EDARADD: variants seen among roughly 807,000 people sequenced by gnomAD.
EDARADD encodes ectodysplasin-A receptor-associated adapter protein.
A neutral mutation model predicts 25.6 loss-of-function variants in EDARADD; 20 were observed. That is an observed-to-expected ratio of 0.78 (90% CI 0.55 to 1.14). The LOEUF (loss-of-function observed/expected upper bound fraction) is 1.14, where lower values mean the gene tolerates loss of function less well. EDARADD is among the 50% of genes most tolerant of loss of function. EDARADD has a pLI of 0.00. For synonymous variants in EDARADD, 86 were observed against 94.4 expected (o/e 0.91, Z 0.52); for missense variants, 225 against 270.1 (o/e 0.83, Z 1.17).
At chr1:236,371,278 C>T (rs1043629821) in intron 3 of EDARADD, among the ~76,000 whole-genome samples, 1 of 152,160 alleles carries the variant, frequency 6.6e-6, no homozygotes, top group African/African-American at 2.4e-5. Flanking sequence ...ATGTTGGATT[C>T]TGCAACCTTG....
Position 236,484,194 on chromosome 1 carries a change from G to A in EDARADD, c.*1545G>A, listed in dbSNP as rs1227845804. On this transcript the variant is annotated 3_prime_UTR_variant, in exon 6 of 6. Transcript: ENST00000334232. This position sits in a 1 kb window ranked among gnomAD's most constrained non-coding sequence, Gnocchi z 4.1. ...GAAGTGCAACTGCCTCCTGCTCAAA[G>A]TGAACCAGATTCGCTCTGTGACTGA... The A allele has an allele frequency of 1.8e-6, 2 of 1,113,962 alleles. No individual in the cohort carries two copies. The highest frequency in any genetic ancestry group is 2.8e-6 in the Non-Finnish European group (2 of 724,652). 69.0% of individuals were successfully genotyped at this position (1,113,962 alleles called of 1,614,324 possible).
At chr1:236,453,378 G>C (rs142788952) in intron 4 of EDARADD, among the ~76,000 whole-genome samples, 5 of 150,516 alleles carry the variant, frequency 3.3e-5, no homozygotes, top group African/African-American at 9.8e-5. Flanking sequence ...CCAGGTTCAA[G>C]TGATTCTCCT....
At chr1:236,388,205 CAT>C (rs1482808750) in intron 3 of EDARADD, among the ~76,000 whole-genome samples, 11 of 152,114 alleles carry the variant, frequency 7.2e-5, no homozygotes, top group African/African-American at 2.7e-4. Context: ...TATCATTTAT[CAT>C]ATTCCAAACA....
At chr1:236,468,796 A>ATG (rs1659285659) in intron 5 of EDARADD, among the ~76,000 whole-genome samples, 1 of 152,148 alleles carries the variant, frequency 6.6e-6, no homozygotes, top group Non-Finnish European at 1.5e-5. Context: ...CTTCCTTTGC[A>ATG]TGTGAGGGGC....
intron 3 of EDARADD, among the ~76,000 whole-genome samples, chr1:236,368,420 C>T (rs536409755): frequency 6.6e-6 from 1 of 151,166 alleles, no homozygotes; most frequent in East Asian, 1.9e-4. Flanking sequence ...TCTCTCACCC[C>T]AGCCCCAATC....
chr1:236,437,540 A>T (rs997801436), intron 4 of EDARADD, among the ~76,000 whole-genome samples: 1 of 152,092 alleles, frequency 6.6e-6, no homozygotes, highest in Non-Finnish European at 1.5e-5. Flanking sequence ...GCAGTCACCT[A>T]GGGATGTAAT....
At chr1:236,408,208 A>T (rs115271277) in intron 1 of EDARADD, among the ~76,000 whole-genome samples, 15,626 of 148,956 alleles carry the variant, frequency 0.1, 1,010 homozygotes, top group Admixed American at 0.18. Flanking sequence ...TTAATTAATT[A>T]ATTTATTTTT....
chr1:236,396,022 C>A (rs760937920), intron 1 of EDARADD, among the ~76,000 whole-genome samples: 3 of 152,222 alleles, frequency 2.0e-5, no homozygotes, highest in Non-Finnish European at 2.9e-5. Context: ...GGGTGGATTT[C>A]GTTTTCGCCT....
chr1:236,378,708 T>C (rs1211685708), intron 3 of EDARADD, among the ~76,000 whole-genome samples: 1 of 152,200 alleles, frequency 6.6e-6, no homozygotes, highest in East Asian at 1.9e-4. Flanking sequence ...TTTGCAATCT[T>C]CATTAATGCA....
At chr1:236,406,678 T>G (rs183557789) in intron 1 of EDARADD, among the ~76,000 whole-genome samples, 73 of 152,342 alleles carry the variant, frequency 4.8e-4, no homozygotes, top group African/African-American at 1.7e-3. Context: ...TACGTTAATG[T>G]GTCATGTTCT....
chr1:236,372,545 T>C (rs984107917), intron 3 of EDARADD, among the ~76,000 whole-genome samples: 5 of 152,200 alleles, frequency 3.3e-5, no homozygotes, highest in Admixed American at 3.3e-4. Context: ...TGTAACACTT[T>C]TGTCTGGTTT....
chr1:236,431,714 G>A (rs2103018228), intron 4 of EDARADD, among the ~76,000 whole-genome samples: 1 of 51,096 alleles, frequency 2.0e-5, no homozygotes. Flanking sequence ...GAGGTCAGGA[G>A]ATCGAGACCA....
At chr1:236,422,656 A>G (rs990782395) in intron 3 of EDARADD, among the ~76,000 whole-genome samples, 9 of 152,188 alleles carry the variant, frequency 5.9e-5, no homozygotes, top group African/African-American at 1.9e-4. Context: ...TAAAGTCTAC[A>G]AATTCCCATT....
At chr1:236,390,632 C>T (rs576927487), upstream of EDARADD, among the ~76,000 whole-genome samples, 1 of 152,162 alleles carries the variant, frequency 6.6e-6, no homozygotes, top group Non-Finnish European at 1.5e-5. Flanking sequence ...TGATATGTTT[C>T]TCCTGCATTT....
At chr1:236,437,977 A>G (rs1480770495) in intron 4 of EDARADD, among the ~76,000 whole-genome samples, 1 of 151,852 alleles carries the variant, frequency 6.6e-6, no homozygotes, top group Non-Finnish European at 1.5e-5. Flanking sequence ...TGAACTCCTG[A>G]CCTCAGGTGA....
intron 4 of EDARADD, among the ~76,000 whole-genome samples, chr1:236,467,163 C>T (rs1019229264): frequency 6.6e-6 from 1 of 151,858 alleles, no homozygotes; most frequent in East Asian, 1.9e-4. Flanking sequence ...AAAATAGAGG[C>T]ACTTTAGAGC....
chr1:236,457,789 A>T (rs1658914070), intron 4 of EDARADD, among the ~76,000 whole-genome samples: 1 of 150,632 alleles, frequency 6.6e-6, no homozygotes, highest in South Asian at 2.1e-4. Flanking sequence ...ACTGCACTCC[A>T]GCCTGGGTGA....
rs954737142 is a variant in EDARADD at position 236,482,158 on chromosome 1, C to T, written c.266-109C>T. 15 of 1,217,338 alleles carry T rather than the reference C, an allele frequency of 1.2e-5. No individual in the cohort carries two copies. The African/African-American group carries it at 1.6e-4, about 13-fold the overall frequency. The allele number at this position is 1,217,338 out of a possible 1,614,324, so 75.4% of individuals were successfully genotyped here. On this transcript the variant is annotated intron_variant, in intron 5 of 5. Coordinates refer to ENST00000334232, the MANE Select transcript of EDARADD (RefSeq NM_145861.4). ...AAAGAAACGAGCATTCTGAAATAGT[C>T]TTCCATATGATGCTTTTGACAATTC...
intron 5 of EDARADD, among the ~76,000 whole-genome samples, chr1:236,476,491 G>A (rs989443310): frequency 2.0e-5 from 3 of 151,892 alleles, no homozygotes; most frequent in Non-Finnish European, 4.4e-5. Context: ...TTCAAGAGCA[G>A]CCTGGGGAAC....
Sources: allele counts gnomAD v4.1 joint callset (sites outside exome capture counted in the v4.1 genomes callset), GRCh38; gene constraint gnomAD v4.1.1; non-coding constraint Gnocchi (gnomAD v3.1); transcripts MANE v1.5; gene names NCBI Gene and HGNC (gene_info 2026-07-23, HGNC 2026-07-21).